Variants in ABCA1 observed in about 807,000 individuals in gnomAD.
ABCA1 encodes the protein ATP binding cassette subfamily A member 1, also known as phospholipid-transporting ATPase ABCA1.
A neutral mutation model predicts 262.5 loss-of-function variants in ABCA1; 133 were observed. The observed-to-expected ratio is 0.51, with a 90% CI of 0.44 to 0.59. The LOEUF is 0.59. ABCA1 is among the 20% of genes least tolerant of loss of function. The pLI is 0.00. For missense variants in ABCA1, 2,452 were observed against 2,777.5 expected (o/e 0.88, Z 2.63); for synonymous variants, 1,022 against 1,043.5 (o/e 0.98, Z 0.40).
At chr9:104,917,864 T>C (rs758140711) in intron 1 of ABCA1, among the ~76,000 whole-genome samples, 1 of 152,246 alleles carries the variant, frequency 6.6e-6, no homozygotes, top group Non-Finnish European at 1.5e-5. Flanking sequence ...CTGGGGCCTT[T>C]GGGAACCAAT....
intron 5 of ABCA1, among the ~76,000 whole-genome samples, chr9:104,874,215 C>T (rs1387821706): frequency 6.6e-6 from 1 of 152,148 alleles, no homozygotes; most frequent in Non-Finnish European, 1.5e-5. Context: ...GACTAATTTC[C>T]AAAAAGATTA....
chr9:104,790,389 A>C (rs1829324434), intron 44 of ABCA1, among the ~76,000 whole-genome samples: 1 of 152,242 alleles, frequency 6.6e-6, no homozygotes, highest in African/African-American at 2.4e-5. Context: ...TTATTAAATA[A>C]ATTATAGGTA....
chr9:104,855,706 G>C, intron 7 of ABCA1: 1 of 1,537,624 alleles, frequency 6.5e-7, no homozygotes, highest in Non-Finnish European at 8.8e-7. Flanking sequence ...GGCTTACAGG[G>C]ACTAAATAAT....
chr9:104,888,576 A>G (rs1251196346), intron 3 of ABCA1, among the ~76,000 whole-genome samples: 1 of 152,214 alleles, frequency 6.6e-6, no homozygotes, highest in African/African-American at 2.4e-5. Flanking sequence ...GTTGTTAGCC[A>G]CTACTGTATT....
At chr9:104,839,480 G>A (rs1190850455) in intron 9 of ABCA1, among the ~76,000 whole-genome samples, 2 of 152,190 alleles carry the variant, frequency 1.3e-5, no homozygotes, top group African/African-American at 4.8e-5. Context: ...AACTTAAACA[G>A]AATGCACAGT....
chr9:104,798,714 G>T, intron 36 of ABCA1, 116 bp from the exon 37 acceptor site: 1 of 893,384 alleles, frequency 1.1e-6, no homozygotes, highest in Non-Finnish European at 1.8e-6. Context: ...AGATATCTGA[G>T]GCACAGCCCA....
In ABCA1 at chr9:104,848,713, C is replaced by G. The variant is rs140008746; in HGVS notation, c.721-3144G>C. ...GGAATCCTCAGGAGACTCTTTTGAGCACTGAGGTTTGAGAACCAGCACCAT... is the reference window on the plus strand; with the variant it reads ...GGAATCCTCAGGAGACTCTTTTGAGGACTGAGGTTTGAGAACCAGCACCAT... On this transcript the variant is annotated intron_variant, in intron 7 of 49. Transcript: ENST00000374736. Among the ~76,000 whole-genome samples the G allele has an allele frequency of 5.1e-3, 770 of 152,154 alleles. 4 individuals carry two copies. Among genetic ancestry groups the G allele is most frequent in the African/African-American group, 0.017 (717 of 41,496 alleles).
intron 5 of ABCA1, among the ~76,000 whole-genome samples, chr9:104,875,351 C>CAA (rs749025515): frequency 1.5e-3 from 96 of 63,858 alleles, no homozygotes; most frequent in East Asian, 5.2e-3. Context: ...GACTCCATCT[C>CAA]AAAAAAAAAA....
At chr9:104,882,982 T>C in intron 5 of ABCA1, 57 bp downstream of exon 5, 4 of 1,436,266 alleles carry the variant, frequency 2.8e-6, no homozygotes, top group Non-Finnish European at 3.9e-6. Flanking sequence ...CTACTCTCTT[T>C]CCCTGGTGCA....
intron 5 of ABCA1, among the ~76,000 whole-genome samples, chr9:104,862,639 C>CCGGCCGG (rs1466718708): frequency 1.9e-4 from 1 of 5,384 alleles, no homozygotes; most frequent in African/African-American, 5.1e-4. Flanking sequence ...ACTGCCGGGC[C>CCGGCCGG]GGGCCGGGCC....
intron 5 of ABCA1, among the ~76,000 whole-genome samples, chr9:104,862,347 A>C (rs1836494188): frequency 6.6e-6 from 1 of 150,758 alleles, no homozygotes; most frequent in Non-Finnish European, 1.5e-5. Flanking sequence ...TGACCTTGTG[A>C]TCCAACCTGC....
chr9:104,870,415 C>A (rs1054603409), intron 5 of ABCA1, among the ~76,000 whole-genome samples: 9 of 152,346 alleles, frequency 5.9e-5, no homozygotes, highest in Middle Eastern at 3.4e-3. Flanking sequence ...ACCCTCTCTG[C>A]CACTCCAGAA....
intron 12 of ABCA1, among the ~76,000 whole-genome samples, 156 bp downstream of exon 12, chr9:104,832,418 C>A (rs1208054939): frequency 2.0e-5 from 3 of 152,128 alleles, no homozygotes; most frequent in Admixed American, 1.3e-4. Flanking sequence ...TTATTAAGTG[C>A]CTTTTGTTAT....
At chr9:104,875,039 C>T (rs1208386539) in intron 5 of ABCA1, among the ~76,000 whole-genome samples, 1 of 151,584 alleles carries the variant, frequency 6.6e-6, no homozygotes, top group Non-Finnish European at 1.5e-5. Context: ...GCAGTTTTGT[C>T]GAATAGAAAA....
intron 1 of ABCA1, among the ~76,000 whole-genome samples, chr9:104,922,525 A>G (rs1267151986): frequency 6.6e-6 from 1 of 152,166 alleles, no homozygotes; most frequent in Non-Finnish European, 1.5e-5. Context: ...AAGACAATAA[A>G]AGCACCTATT....
intron 5 of ABCA1, among the ~76,000 whole-genome samples, chr9:104,880,838 A>C (rs1223083062): frequency 6.6e-6 from 1 of 151,824 alleles, no homozygotes; most frequent in Non-Finnish European, 1.5e-5. Flanking sequence ...CTTCTTCACC[A>C]CTTAACTCAT....
chr9:104,901,095 AC>A (rs1840628150), intron 2 of ABCA1, among the ~76,000 whole-genome samples: 1 of 152,172 alleles, frequency 6.6e-6, no homozygotes, highest in African/African-American at 2.4e-5. Flanking sequence ...AATTTGAATG[AC>A]CCAACCCCAC....
chr9:104,879,923 GC>G (rs1173594192), intron 5 of ABCA1, among the ~76,000 whole-genome samples: 1 of 152,204 alleles, frequency 6.6e-6, no homozygotes, highest in Non-Finnish European at 1.5e-5. Context: ...AGGAAAGGAG[GC>G]CATTTTGCCT....
intron 28 of ABCA1, among the ~76,000 whole-genome samples, chr9:104,811,639 T>C (rs1588269456): frequency 6.6e-6 from 1 of 152,354 alleles, no homozygotes; most frequent in East Asian, 1.9e-4. Context: ...GTATTCCTTA[T>C]AACCTTAAAG....
Sources: allele counts gnomAD v4.1 joint callset (sites outside exome capture counted in the v4.1 genomes callset), GRCh38; gene constraint gnomAD v4.1.1; transcripts MANE v1.5; gene names NCBI Gene and HGNC (gene_info 2026-07-23, HGNC 2026-07-21).